Variants in KATNAL2 observed in about 807,000 individuals in gnomAD.
KATNAL2 encodes the protein katanin p60 ATPase-containing subunit A-like 2.
In KATNAL2, 52 loss-of-function variants were observed where a neutral mutation model predicts 76.3. The ratio of observed to expected loss-of-function variants is 0.68; its 90% CI spans 0.55 to 0.86. The LOEUF (loss-of-function observed/expected upper bound fraction) is 0.86, where lower values mean the gene tolerates loss of function less well. KATNAL2 is among the 40% of genes least tolerant of loss of function. The probability of loss-of-function intolerance (pLI) is 0.00; values close to 1 mark genes in which losing one functional copy is unlikely to be tolerated. For missense variants in KATNAL2, 660 were observed against 668.9 expected, an observed-to-expected ratio of 0.99 and a Z score of 0.15; for synonymous variants, 243 against 244.2, an observed-to-expected ratio of 1.00 and a Z score of 0.05.
chr18:47,038,639 T>C (rs544677351), intron 3 of KATNAL2, among the ~76,000 whole-genome samples: 1 of 152,208 alleles, frequency 6.6e-6, no homozygotes, highest in Non-Finnish European at 1.5e-5. Flanking sequence ...CCACCAATTG[T>C]ATCTGAAATA....
rs749767940 is a variant in KATNAL2, at chr18:47,033,913, G to A, written c.52-12544G>A. On this transcript the variant is annotated intron_variant, in intron 3 of 17. Coordinates refer to ENST00000683218, the MANE Select transcript of KATNAL2 (RefSeq NM_001387690.1). The stretch of plus-strand genomic sequence containing the variant: ...GAAGACATGGCTGGGCACCGTTTTC[G>A]GCCCGGCGGAATCAGCGCCGGCCGC... 1.9e-6 allele frequency: 3 copies of A among 1,612,942 alleles called. No individual in the cohort carries two copies. Among genetic ancestry groups the A allele is most frequent in the African/African-American group, 1.3e-5 (1 of 74,880 alleles).
chr18:46,939,740 G>A (rs2059194063), intron 1 of KATNAL2, among the ~76,000 whole-genome samples: 1 of 152,206 alleles, frequency 6.6e-6, no homozygotes, highest in Non-Finnish European at 1.5e-5. Flanking sequence ...AAAGAAGTTT[G>A]AAGATGAGTC....
chr18:46,934,141 A>G (rs1310747415), intron 1 of KATNAL2, among the ~76,000 whole-genome samples: 1 of 152,068 alleles, frequency 6.6e-6, no homozygotes, highest in Non-Finnish European at 1.5e-5. Flanking sequence ...AGCATGATTT[A>G]TAGTCCTTTG....
rs748687940 is a variant in KATNAL2 at position 47,101,118 on chromosome 18, G to A, written c.*113G>A. 2.3e-5 allele frequency: 28 copies of A among 1,226,346 alleles called. No homozygotes were observed. Among genetic ancestry groups the A allele is most frequent in the Non-Finnish European group, 3.2e-5 (28 of 873,264 alleles). 76.0% of individuals were successfully genotyped at this position (1,226,346 alleles called of 1,614,324 possible). A position where few individuals can be genotyped will look rare whatever the true frequency, so the allele number is the denominator to read the frequency against. ...TGGAAAAGAGAAAATTATTTTTGAA[G>A]ACTGGATTAACTTGAGCCACTGTAT... is the stretch of plus-strand genomic sequence containing the variant. On this transcript the variant is annotated 3_prime_UTR_variant, in exon 18 of 18. Coordinates refer to ENST00000683218, the MANE Select transcript of KATNAL2 (RefSeq NM_001387690.1).
intron 3 of KATNAL2, among the ~76,000 whole-genome samples, chr18:47,031,016 C>A (rs1453670816): frequency 7.2e-5 from 2 of 27,836 alleles, no homozygotes; most frequent in East Asian, 1.9e-3. Flanking sequence ...AGCATCTCCC[C>A]CCCCCCCCCC....
intron 7 of KATNAL2, 122 bp downstream of exon 7, chr18:47,058,474 T>C: frequency 1.6e-6 from 1 of 624,588 alleles, no homozygotes; most frequent in Middle Eastern, 2.6e-4. Flanking sequence ...TGTGATCTAA[T>C]TGAATTTTAG....
chr18:47,101,069 C>T lies in KATNAL2; in HGVS notation c.*64C>T, dbSNP rs779614176. ...AAAGACCTCCTAGTTTATTAATGTC[C>T]GTGGGAGAACAAAATGATTGGAATG... is the stretch of plus-strand genomic sequence containing the variant. On this transcript the variant is annotated 3_prime_UTR_variant, in exon 18 of 18. Transcript: ENST00000683218. The T allele has an allele frequency of 6.4e-5, 99 of 1,549,464 alleles. No homozygotes were observed. Among genetic ancestry groups the T allele is most frequent in the Admixed American group, 1.6e-4 (9 of 57,376 alleles).
chr18:47,083,387 A>G (rs563812498), intron 15 of KATNAL2, among the ~76,000 whole-genome samples: 2 of 152,342 alleles, frequency 1.3e-5, no homozygotes, highest in African/African-American at 4.8e-5. Flanking sequence ...CAGTCTTAAA[A>G]TCCCAAAAGA....
At chr18:47,071,137 C>T (rs1009583822) in intron 13 of KATNAL2, among the ~76,000 whole-genome samples, 5 of 152,124 alleles carry the variant, frequency 3.3e-5, no homozygotes, top group Admixed American at 1.3e-4. Flanking sequence ...GTAGCTGAGA[C>T]TATAGATGCA....
chr18:46,922,483 A>C (rs919339757), intron 1 of KATNAL2, among the ~76,000 whole-genome samples: 8 of 152,000 alleles, frequency 5.3e-5, no homozygotes, highest in Admixed American at 2.6e-4. Context: ...TAAAAAAAAA[A>C]ACCAAATAAT....
chr18:47,046,221 A>G (rs1372528653), intron 3 of KATNAL2, among the ~76,000 whole-genome samples: 1 of 152,236 alleles, frequency 6.6e-6, no homozygotes, highest in Non-Finnish European at 1.5e-5. Flanking sequence ...TCCAAGTGGT[A>G]AAGAGCAATC....
At chr18:46,939,515 G>A (rs1373042982) in intron 1 of KATNAL2, among the ~76,000 whole-genome samples, 2 of 152,104 alleles carry the variant, frequency 1.3e-5, no homozygotes, top group African/African-American at 4.8e-5. Flanking sequence ...TCGTGTGCCA[G>A]GCATTTCCAA....
chr18:47,065,451 G>C (rs2576033), intron 10 of KATNAL2, among the ~76,000 whole-genome samples: 9 of 150,958 alleles, frequency 6.0e-5, no homozygotes, highest in South Asian at 4.3e-4. Context: ...AGAGTGTCGG[G>C]GGGGGAACAG....
rs2063445651 is a variant in KATNAL2, at chr18:47,101,974, T to C, written c.*969T>C. 1 of 152,208 alleles carries C rather than the reference T, an allele frequency of 6.6e-6. No homozygotes were observed. Among genetic ancestry groups the C allele is most frequent in the Non-Finnish European group, 1.5e-5 (1 of 68,046 alleles). 9.4% of individuals were successfully genotyped at this position (152,208 alleles called of 1,614,324 possible). The stretch of plus-strand genomic sequence containing the variant: ...CTTTTCCCCCACTAGAACTTACCTA[T>C]GGGAAATCACCTTCTTTTCTCTTCC... On this transcript the variant is annotated 3_prime_UTR_variant, in exon 18 of 18. Transcript: ENST00000683218.
intron 15 of KATNAL2, among the ~76,000 whole-genome samples, chr18:47,086,495 T>C (rs1442474322): frequency 6.6e-6 from 1 of 152,170 alleles, no homozygotes; most frequent in African/African-American, 2.4e-5. Context: ...TTTTGTATTT[T>C]TAGTAGAGGT....
chr18:46,937,000 T>G (rs1234617602), intron 1 of KATNAL2, among the ~76,000 whole-genome samples: 2 of 152,100 alleles, frequency 1.3e-5, no homozygotes, highest in Non-Finnish European at 2.9e-5. Flanking sequence ...AAAACAAGAT[T>G]AAGTGACTAT....
At chr18:46,962,067 T>C (rs936090611) in intron 3 of KATNAL2, among the ~76,000 whole-genome samples, 2 of 152,200 alleles carry the variant, frequency 1.3e-5, no homozygotes, top group African/African-American at 4.8e-5. Flanking sequence ...AGGAAATGCA[T>C]AGGCTGCTGG....
Position 47,034,979 on chromosome 18 carries a change from G to C in KATNAL2, c.52-11478G>C, listed in dbSNP as rs149255867. The C allele has an allele frequency of 8.9e-5, 144 of 1,611,616 alleles. No homozygotes were observed. The African/African-American group carries it at 1.2e-3, about 13-fold the overall frequency. On this transcript the variant is annotated intron_variant, in intron 3 of 17. Coordinates refer to ENST00000683218, the MANE Select transcript of KATNAL2 (RefSeq NM_001387690.1). Reference sequence around the variant, plus strand: ...TGAAGAGCCTCCCCGAAGCGCTGTCGGGAAGCGCTCTCCTCAGGGTCCTGT... The same window carrying C: ...TGAAGAGCCTCCCCGAAGCGCTGTCCGGAAGCGCTCTCCTCAGGGTCCTGT...
intron 3 of KATNAL2, among the ~76,000 whole-genome samples, chr18:47,041,641 A>T (rs1000651810): frequency 6.6e-6 from 1 of 152,218 alleles, no homozygotes; most frequent in Non-Finnish European, 1.5e-5. Context: ...TTTGGCAATT[A>T]TGAATAAAGC....
Sources: allele counts gnomAD v4.1 joint callset (sites outside exome capture counted in the v4.1 genomes callset), GRCh38; gene constraint gnomAD v4.1.1; transcripts MANE v1.5; gene names NCBI Gene and HGNC (gene_info 2026-07-23, HGNC 2026-07-21).